TAFA2: variants seen among roughly 807,000 people sequenced by gnomAD.
TAFA2 encodes the protein chemokine-like protein TAFA-2.
TAFA2 carries 7 observed loss-of-function variants against 18.8 expected under a neutral mutation model. That is an observed-to-expected ratio of 0.37 (90% CI 0.21 to 0.70). TAFA2 has a LOEUF of 0.70. Ranked by LOEUF, TAFA2 falls within the 30% of genes least tolerant of loss-of-function variation. The probability of loss-of-function intolerance (pLI) is 0.53; values close to 1 mark genes in which losing one functional copy is unlikely to be tolerated. For missense variants in TAFA2, 122 were observed against 158.1 expected (o/e 0.77, Z 1.23); for synonymous variants, 60 against 54.2 (o/e 1.11, Z -0.47).
At chr12:62,086,852 C>G (rs1379907775) in intron 1 of TAFA2, among the ~76,000 whole-genome samples, 2 of 152,198 alleles carry the variant, frequency 1.3e-5, no homozygotes, top group East Asian at 3.9e-4. Flanking sequence ...CATAGCAACA[C>G]TATTCACAAT....
chr12:62,169,548 A>G (rs1167989778), intron 1 of TAFA2, among the ~76,000 whole-genome samples: 2 of 152,210 alleles, frequency 1.3e-5, no homozygotes, highest in Non-Finnish European at 2.9e-5. Context: ...TTAGAAAAGC[A>G]TCACAAGAAA....
chr12:61,719,987 A>G (rs1488592995), intron 4 of TAFA2, among the ~76,000 whole-genome samples: 1 of 152,134 alleles, frequency 6.6e-6, no homozygotes, highest in African/African-American at 2.4e-5. Flanking sequence ...CCATTTTCTG[A>G]AGGATAGGGC....
rs369853883 is a variant in TAFA2 at position 61,754,898 on chromosome 12, G to A, written c.233C>T (p.Thr78Met). 3.2e-5 allele frequency: 51 copies of A among 1,612,834 alleles called. No individual in the cohort carries two copies. In the Admixed American group the frequency reaches 4.2e-4, roughly 13 times the overall value. The change falls in exon 3 of 5, where the codon ACG (threonine) becomes ATG (methionine). Residue 78 changes from threonine to methionine, a missense_variant. Thr to Met is a moderately conservative substitution (Grantham distance 81). This residue lies in a region of TAFA2 where 60 missense variants were observed against 102.7 expected (regional missense o/e 0.58). Transcript: ENST00000416284. The stretch of plus-strand genomic sequence containing the variant: ...ATCCACACATGATGGAGCAGCTCGC[G>A]TGGTGCCTGCCACCTGCCCAGGGAA... ...SCFPGQVAGTTRAAPSCVDAS... is the reference protein window; with the variant it reads ...SCFPGQVAGTMRAAPSCVDAS...
chr12:62,199,612 A>G (rs1268614710), intron 1 of TAFA2, among the ~76,000 whole-genome samples: 1 of 151,420 alleles, frequency 6.6e-6, no homozygotes, highest in Non-Finnish European at 1.5e-5. Context: ...ATATATATGT[A>G]TGTGTATATA....
chr12:61,788,209 T>C (rs1445825277), intron 2 of TAFA2, among the ~76,000 whole-genome samples: 1 of 148,090 alleles, frequency 6.8e-6, no homozygotes, highest in African/African-American at 2.5e-5. Flanking sequence ...AGAGAGGAAA[T>C]ATCATTAAAT....
At chr12:61,872,390 G>T (rs1264240178) in intron 1 of TAFA2, among the ~76,000 whole-genome samples, 1 of 151,954 alleles carries the variant, frequency 6.6e-6, no homozygotes, top group Non-Finnish European at 1.5e-5. Flanking sequence ...CAATGGCATG[G>T]ACCTTAACAG....
intron 4 of TAFA2, among the ~76,000 whole-genome samples, chr12:61,731,164 G>C (rs1015251523): frequency 2.6e-5 from 4 of 152,058 alleles, no homozygotes; most frequent in Non-Finnish European, 4.4e-5. Context: ...ATTTGTTTCA[G>C]CTCTAGGTGA....
chr12:61,917,890 G>T (rs997218579), intron 1 of TAFA2, among the ~76,000 whole-genome samples: 10 of 152,292 alleles, frequency 6.6e-5, no homozygotes, highest in African/African-American at 1.9e-4. Context: ...AACAAAGAAT[G>T]AGACTTTATT....
intron 1 of TAFA2, among the ~76,000 whole-genome samples, chr12:62,132,214 A>C (rs1414291417): frequency 6.6e-6 from 1 of 151,872 alleles, no homozygotes; most frequent in Non-Finnish European, 1.5e-5. Flanking sequence ...AGTTACCTTA[A>C]TCTGGATTTT....
intron 1 of TAFA2, among the ~76,000 whole-genome samples, chr12:61,903,655 T>A (rs1033560857): frequency 6.6e-6 from 1 of 152,192 alleles, no homozygotes; most frequent in Non-Finnish European, 1.5e-5. Context: ...CATGTTTTTG[T>A]TAATTTTCAT....
chr12:62,116,255 A>G (rs1489675917), intron 1 of TAFA2, among the ~76,000 whole-genome samples: 1 of 152,208 alleles, frequency 6.6e-6, no homozygotes, highest in Non-Finnish European at 1.5e-5. Context: ...CCATGTGGCT[A>G]CAATTGGAGG....
At chr12:62,220,878 G>A (rs1022061525) in intron 1 of TAFA2, among the ~76,000 whole-genome samples, 30 of 152,212 alleles carry the variant, frequency 2.0e-4, no homozygotes, top group Middle Eastern at 3.4e-3. Context: ...TGAGGCCGAG[G>A]CGGGCGGATC....
intron 1 of TAFA2, among the ~76,000 whole-genome samples, chr12:62,032,249 G>C (rs348689): frequency 0.83 from 125,605 of 152,060 alleles, 52,066 homozygotes; most frequent in Middle Eastern, 0.88. Context: ...AGGAAAATCA[G>C]CTGAGAAAGG....
chr12:61,768,014 G>A (rs549358643), intron 2 of TAFA2, among the ~76,000 whole-genome samples: 1 of 152,202 alleles, frequency 6.6e-6, no homozygotes, highest in African/African-American at 2.4e-5. Context: ...TTGTCAGCAA[G>A]TCAAGAAACC....
intron 1 of TAFA2, among the ~76,000 whole-genome samples, chr12:61,951,311 T>A (rs114120743): frequency 7.6e-4 from 116 of 152,266 alleles, no homozygotes; most frequent in African/African-American, 2.7e-3. Context: ...CAGGCAAATA[T>A]GTTTTGAAAG....
At chr12:61,976,998 C>A (rs139931537) in intron 1 of TAFA2, among the ~76,000 whole-genome samples, 4,140 of 152,122 alleles carry the variant, frequency 0.027, 74 homozygotes, top group Non-Finnish European at 0.041. Context: ...GTGCATGTGT[C>A]TTTGTAGTAG....
chr12:61,750,505 C>A (rs79034902), intron 4 of TAFA2, among the ~76,000 whole-genome samples: 2 of 151,878 alleles, frequency 1.3e-5, no homozygotes, highest in African/African-American at 4.8e-5. Flanking sequence ...GGGTCAGAAC[C>A]AAAAAAATTC....
rs572755499 is a variant in TAFA2, at chr12:61,990,965, G to C, written c.-1-123539C>G. Among the ~76,000 whole-genome samples the C allele has an allele frequency of 1.1e-3, 163 of 152,308 alleles. 1 individual carries two copies. Among genetic ancestry groups the C allele is most frequent in the African/African-American group, 3.8e-3 (160 of 41,562 alleles). ...TGGAAATGGAGAAGCAGAATATTTAGGTGAGGAAAATAGTGACCTTTTGTA... is the reference window on the plus strand; with the variant it reads ...TGGAAATGGAGAAGCAGAATATTTACGTGAGGAAAATAGTGACCTTTTGTA... On this transcript the variant is annotated intron_variant, in intron 1 of 4. Transcript: ENST00000416284.
intron 1 of TAFA2, among the ~76,000 whole-genome samples, chr12:61,985,975 C>A: frequency 6.6e-6 from 1 of 152,104 alleles, no homozygotes; most frequent in East Asian, 1.9e-4. Context: ...ACAGCTACCT[C>A]AGCCCACAAC....
Sources: gnomAD v4.1 joint callset for allele counts (sites outside exome capture counted in the v4.1 genomes callset) on GRCh38, gnomAD v4.1.1 for gene constraint, gnomAD v4.1.1 regional missense constraint, MANE v1.5 for transcripts, NCBI Gene and HGNC (gene_info 2026-07-23, HGNC 2026-07-21) for gene names.